The following ARID5B variants were observed in gnomAD, a reference collection of about 807,000 sequenced individuals.
The protein encoded by ARID5B is AT-rich interaction domain 5B, also known as AT-rich interactive domain-containing protein 5B.
A neutral mutation model predicts 97.2 loss-of-function variants in ARID5B; 13 were observed. The ratio of observed to expected loss-of-function variants is 0.13; its 90% CI spans 0.09 to 0.21. The LOEUF (loss-of-function observed/expected upper bound fraction) is 0.21. ARID5B is among the 10% of genes least tolerant of loss of function. The pLI, the probability that ARID5B is intolerant of heterozygous loss-of-function variation, is 1.00. For missense variants in ARID5B, 1,210 were observed against 1,465.3 expected (o/e 0.83, Z 2.84); for synonymous variants, 556 against 570.3 (o/e 0.97, Z 0.36).
At chr10:61,994,556 C>T (rs1838971184) in intron 3 of ARID5B, among the ~76,000 whole-genome samples, 1 of 152,126 alleles carries the variant, frequency 6.6e-6, no homozygotes, top group Non-Finnish European at 1.5e-5. Flanking sequence ...TGTACAAAGA[C>T]AACTTGAGCA....
rs764419084 is a variant in ARID5B, at chr10:62,093,047, C to T, written c.*17C>T. On this transcript the variant is annotated 3_prime_UTR_variant, in exon 10 of 10. Coordinates refer to ENST00000279873, the MANE Select transcript of ARID5B (RefSeq NM_032199.3). ...AAACTGTAGGCTCAGCTCTGCCCAG[C>T]AGTCCAAAGCGGCATGGCCAACAGA... The T allele has an allele frequency of 4.4e-6, 7 of 1,584,452 alleles. No individual in the cohort carries two copies. In the East Asian group the frequency reaches 8.9e-5, roughly 20 times the overall value.
intron 9 of ARID5B, 72 bp downstream of exon 9, chr10:62,085,972 A>T: frequency 2.7e-6 from 4 of 1,485,418 alleles, no homozygotes; most frequent in Non-Finnish European, 2.7e-6. Context: ...GGAGCCCTGA[A>T]TCCACAGCTG....
At chr10:62,070,705 T>C (rs903384733) in intron 8 of ARID5B, among the ~76,000 whole-genome samples, 8 of 152,238 alleles carry the variant, frequency 5.3e-5, no homozygotes, top group African/African-American at 1.4e-4. Context: ...TAGTACACCA[T>C]GAAAAATTGC....
At chr10:61,922,363 G>A (rs1442837200) in intron 2 of ARID5B, among the ~76,000 whole-genome samples, 1 of 152,242 alleles carries the variant, frequency 6.6e-6, no homozygotes, top group Non-Finnish European at 1.5e-5. Context: ...AGCACTTTGG[G>A]AGGCCAAGGC....
chr10:61,940,936 TATATATATATATATATATATATATATATA>T (rs1369696776), intron 3 of ARID5B, among the ~76,000 whole-genome samples: 3 of 5,996 alleles, frequency 5.0e-4, no homozygotes, highest in Non-Finnish European at 1.5e-3. Context: ...TATATATATA[TATATATATATATATATATATATATATATA>T]TTTTTTTTTT....
Position 62,057,151 on chromosome 10 carries a change from C to G in ARID5B, c.881C>G (p.Pro294Arg). 1 of 1,613,376 alleles carries G rather than the reference C, an allele frequency of 6.2e-7. No homozygotes were observed. The highest frequency in any genetic ancestry group is 8.5e-7 in the Non-Finnish European group (1 of 1,179,702). Residue 294 changes from proline (P) to arginine (R), a missense_variant, in exon 6 of 10, where the codon CCG (proline) becomes CGG (arginine). Physicochemically the swap from Pro to Arg is moderately radical, Grantham distance 103. Around this residue, in one of 8 missense-constraint regions of ARID5B, gnomAD observed 132 missense variants for 156.7 expected, o/e 0.84. Coordinates refer to ENST00000279873, the MANE Select transcript of ARID5B (RefSeq NM_032199.3). ...GAGGCCAGGTCAGCCTTGACCAAGC[C>G]GAAGAATAACCATAACTGTAAAAAA... ...KCEARSALTK[P>R]KNNHNCKKVS... is the part of the protein sequence containing the mutation.
At chr10:62,021,068 A>ATATC (rs1193110744) in intron 4 of ARID5B, among the ~76,000 whole-genome samples, 8 of 134,790 alleles carry the variant, frequency 5.9e-5, no homozygotes, top group Non-Finnish European at 9.6e-5. Flanking sequence ...ATATATATAT[A>ATATC]TCTCAGAAGA....
At chr10:61,903,419 G>C (rs547626838) in intron 2 of ARID5B, among the ~76,000 whole-genome samples, 1 of 152,346 alleles carries the variant, frequency 6.6e-6, no homozygotes, top group South Asian at 2.1e-4. Context: ...TGTGACCGCA[G>C]TTCTGCGGGC....
At chr10:61,904,678 G>A (rs1843677975) in intron 2 of ARID5B, among the ~76,000 whole-genome samples, 1 of 152,084 alleles carries the variant, frequency 6.6e-6, no homozygotes, top group African/African-American at 2.4e-5. Flanking sequence ...ATGCTAACAC[G>A]GCTGGTAATT....
intron 4 of ARID5B, among the ~76,000 whole-genome samples, chr10:62,048,087 A>G (rs1370806264): frequency 2.0e-5 from 3 of 152,264 alleles, no homozygotes; most frequent in African/African-American, 7.2e-5. Context: ...TTTCCAGAGC[A>G]TAAGCATAAG....
intron 3 of ARID5B, among the ~76,000 whole-genome samples, chr10:61,975,605 G>C (rs1838688835): frequency 6.6e-6 from 1 of 152,024 alleles, no homozygotes; most frequent in Non-Finnish European, 1.5e-5. Context: ...CTGCAAAATT[G>C]TTGTGAGATT....
At chr10:62,067,561 GATT>G (rs1840010378) in intron 7 of ARID5B, among the ~76,000 whole-genome samples, 1 of 152,238 alleles carries the variant, frequency 6.6e-6, no homozygotes, top group Non-Finnish European at 1.5e-5. Flanking sequence ...CAGAAACAGT[GATT>G]CCCACAGTTA....
At chr10:61,947,043 A>G (rs1197700652) in intron 3 of ARID5B, among the ~76,000 whole-genome samples, 1 of 152,168 alleles carries the variant, frequency 6.6e-6, no homozygotes, top group Non-Finnish European at 1.5e-5. Context: ...CTCTGACAAT[A>G]TTGTTGTGTT....
chr10:62,037,070 G>T (rs899219767), intron 4 of ARID5B, among the ~76,000 whole-genome samples: 7 of 152,164 alleles, frequency 4.6e-5, no homozygotes, highest in African/African-American at 1.4e-4. Flanking sequence ...ATTTTAAGAA[G>T]CAGTCTACAC....
At chr10:61,920,432 C>T (rs751211657) in intron 2 of ARID5B, among the ~76,000 whole-genome samples, 1 of 151,416 alleles carries the variant, frequency 6.6e-6, no homozygotes, top group Non-Finnish European at 1.5e-5. Flanking sequence ...TGGGTTCAAG[C>T]GATGCTCCTC....
intron 8 of ARID5B, among the ~76,000 whole-genome samples, chr10:62,072,927 G>C (rs1840083606): frequency 6.6e-6 from 1 of 152,188 alleles, no homozygotes; most frequent in African/African-American, 2.4e-5. Flanking sequence ...GAAGCTCTGG[G>C]CTAAAACTTC....
intron 3 of ARID5B, among the ~76,000 whole-genome samples, chr10:61,959,820 A>G: frequency 6.6e-6 from 1 of 152,206 alleles, no homozygotes; most frequent in East Asian, 1.9e-4. Context: ...TTGGTCACCT[A>G]GTCTAGTGGG....
In ARID5B at chr10:61,901,747, C is replaced by T. The variant is rs961110695; in HGVS notation, c.21+17C>T. Reference sequence around the variant, plus strand: ...TCACTCCAGGTATTTCGCTCTCCTCCGCTCCTCCGATCCCGGCACCCCCCG... The same window carrying T: ...TCACTCCAGGTATTTCGCTCTCCTCTGCTCCTCCGATCCCGGCACCCCCCG... On this transcript the variant is annotated intron_variant, in intron 1 of 9. Transcript: ENST00000279873. 6.2e-6 allele frequency: 10 copies of T among 1,613,372 alleles called. No homozygotes were observed. Among genetic ancestry groups the T allele is most frequent in the Non-Finnish European group, 8.5e-6 (10 of 1,179,714 alleles).
chr10:62,074,520 T>G (rs887659743), intron 8 of ARID5B, among the ~76,000 whole-genome samples: 2 of 152,086 alleles, frequency 1.3e-5, no homozygotes, highest in African/African-American at 4.8e-5. Context: ...GGAGGCTTCA[T>G]GTTTTGAATA....
Sources: gnomAD v4.1 joint callset for allele counts (sites outside exome capture counted in the v4.1 genomes callset) on GRCh38, gnomAD v4.1.1 for gene constraint, gnomAD v4.1.1 regional missense constraint, MANE v1.5 for transcripts, NCBI Gene and HGNC (gene_info 2026-07-23, HGNC 2026-07-21) for gene names.